The following CD53 variants were observed in gnomAD, a reference collection of about 807,000 sequenced individuals.
CD53 encodes leukocyte surface antigen CD53.
CD53 carries 20 observed loss-of-function variants against 27.3 expected under a neutral mutation model. The observed-to-expected ratio is 0.73, with a 90% CI of 0.52 to 1.07. The LOEUF (loss-of-function observed/expected upper bound fraction) is 1.07. Among genes scored for constraint, CD53 ranks in the 50% least tolerant of loss-of-function variants. CD53 has a pLI of 0.00. For missense variants in CD53, 216 were observed against 264.0 expected (o/e 0.82, Z 1.26); for synonymous variants, 106 against 105.3 (o/e 1.01, Z -0.04).
chr1:110,886,637 TCAGG>T, intron 1 of CD53, among the ~76,000 whole-genome samples: 1 of 151,920 alleles, frequency 6.6e-6, no homozygotes, highest in East Asian at 1.9e-4. Flanking sequence ...TCACTTGAGG[TCAGG>T]CATGCGAGAC....
intron 1 of CD53, among the ~76,000 whole-genome samples, chr1:110,879,534 T>C (rs1195634859): frequency 2.0e-5 from 3 of 152,204 alleles, no homozygotes; most frequent in African/African-American, 7.2e-5. Flanking sequence ...CAGTGCACAT[T>C]AGCATATAAC....
At chr1:110,898,025 C>A in intron 7 of CD53, 133 bp downstream of exon 7, 1 of 503,996 alleles carries the variant, frequency 2.0e-6, no homozygotes, top group Non-Finnish European at 3.5e-6. Flanking sequence ...ATTCCCCCAG[C>A]CAAGTAGCAA....
chr1:110,898,379 G>GA (rs11390194), intron 7 of CD53, among the ~76,000 whole-genome samples: 26,538 of 115,544 alleles, frequency 0.23, 3,316 homozygotes, highest in Middle Eastern at 0.27. Flanking sequence ...TCTGTCTCCA[G>GA]AAAAAAAAAA....
At chr1:110,871,814 TACACACAC>T (rs3068856), upstream of CD53, among the ~76,000 whole-genome samples, 46 of 145,768 alleles carry the variant, frequency 3.2e-4, no homozygotes, top group East Asian at 2.2e-3. Flanking sequence ...CAAGAGAAAC[TACACACAC>T]ACACACACAC....
intron 5 of CD53, among the ~76,000 whole-genome samples, chr1:110,895,369 G>A (rs910560310): frequency 2.0e-5 from 3 of 152,200 alleles, no homozygotes; most frequent in African/African-American, 7.2e-5. Flanking sequence ...ACTGAAAACA[G>A]CATTGTATAA....
chr1:110,893,781 T>G (rs1484663557), intron 3 of CD53, among the ~76,000 whole-genome samples: 2 of 152,130 alleles, frequency 1.3e-5, no homozygotes, highest in Non-Finnish European at 2.9e-5. Flanking sequence ...GTAAAAAAGG[T>G]GAAGGAGAAG....
rs755954060 is a variant in CD53, at chr1:110,899,168, C to T, written c.633C>T (p.Asp211=). 1 of 1,613,748 alleles carries T rather than the reference C, an allele frequency of 6.2e-7. No homozygotes were observed. Among genetic ancestry groups the T allele is most frequent in the Non-Finnish European group, 8.5e-7 (1 of 1,179,678 alleles). The part of the protein sequence containing the change: ...SFALTLNCQI[D]KTSQTIGL Reference sequence around the variant, plus strand: ...CACTGACCCTGAACTGCCAGATTGACAAAACCAGCCAGACCATAGGGCTAT... The same window carrying T: ...CACTGACCCTGAACTGCCAGATTGATAAAACCAGCCAGACCATAGGGCTAT... Residue 211 remains aspartate (D), a synonymous_variant, in exon 8 of 8, where the codon GAC becomes GAT. Coordinates refer to ENST00000271324, the MANE Select transcript of CD53 (RefSeq NM_000560.4).
chr1:110,894,476 G>A (rs2101063886), intron 4 of CD53, 75 bp downstream of exon 4: 1 of 1,109,532 alleles, frequency 9.0e-7, no homozygotes, highest in African/African-American at 1.5e-5. Flanking sequence ...TTGGTACAAA[G>A]TTACAGAATA....
intron 1 of CD53, among the ~76,000 whole-genome samples, chr1:110,883,658 A>G (rs1656446927): frequency 6.6e-6 from 1 of 152,000 alleles, no homozygotes; most frequent in Non-Finnish European, 1.5e-5. Context: ...GAAATCATCA[A>G]TAAGACATCT....
chr1:110,875,904 G>A (rs956037393), intron 1 of CD53, among the ~76,000 whole-genome samples: 24 of 152,198 alleles, frequency 1.6e-4, no homozygotes, highest in Non-Finnish European at 7.4e-5. Flanking sequence ...TCTCTATACT[G>A]AGAGTTAGAG....
intron 1 of CD53, among the ~76,000 whole-genome samples, chr1:110,874,841 T>C (rs1656064309): frequency 6.6e-6 from 1 of 152,206 alleles, no homozygotes; most frequent in Admixed American, 6.5e-5. Context: ...TGCCCTCTGA[T>C]TGACCTCTGA....
chr1:110,891,458 A>C lies in CD53; in HGVS notation c.50A>C (p.Asn17Thr). Residue 17 changes from asparagine (N) to threonine (T), a missense_variant, in exon 2 of 8, where the codon AAC (asparagine) becomes ACC (threonine). Asn to Thr is a moderately conservative substitution (Grantham distance 65). Transcript: ENST00000271324. ...KLLKYVLFFFNLLFWICGCCI... is the reference protein window; with the variant it reads ...KLLKYVLFFFTLLFWICGCCI... Reference sequence around the variant, plus strand: ...CTGAAGTATGTCCTGTTTTTCTTCAACTTGCTCTTTTGGGTAAGTGTATCT... The same window carrying C: ...CTGAAGTATGTCCTGTTTTTCTTCACCTTGCTCTTTTGGGTAAGTGTATCT... The C allele has an allele frequency of 6.2e-7, 1 of 1,613,606 alleles. No homozygotes were observed. The highest frequency in any genetic ancestry group is 8.5e-7 in the Non-Finnish European group (1 of 1,179,518).
At chr1:110,871,698 T>C (rs1437627501), upstream of CD53, among the ~76,000 whole-genome samples, 3 of 152,136 alleles carry the variant, frequency 2.0e-5, no homozygotes, top group East Asian at 5.8e-4. Context: ...TTCAGGGACC[T>C]GTAAGCATGG....
chr1:110,893,266 A>G (rs1461597383), intron 3 of CD53, among the ~76,000 whole-genome samples: 1 of 152,132 alleles, frequency 6.6e-6, no homozygotes, highest in Non-Finnish European at 1.5e-5. Context: ...CATTTGGTTA[A>G]TCTTTTTTCC....
intron 6 of CD53, among the ~76,000 whole-genome samples, chr1:110,897,326 G>T (rs1454761327): frequency 1.3e-5 from 2 of 152,224 alleles, no homozygotes; most frequent in Non-Finnish European, 2.9e-5. Flanking sequence ...TCCTGAAGGG[G>T]TTTGGAAATC....
At chr1:110,895,107 C>A in intron 5 of CD53, 52 bp downstream of exon 5, 1 of 1,353,510 alleles carries the variant, frequency 7.4e-7, no homozygotes, top group Non-Finnish European at 1.1e-6. Flanking sequence ...ATTTTCAAGC[C>A]TAAATCCTTG....
chr1:110,879,045 T>A (rs1046289344), intron 1 of CD53, among the ~76,000 whole-genome samples: 1 of 152,208 alleles, frequency 6.6e-6, no homozygotes, highest in African/African-American at 2.4e-5. Flanking sequence ...TTATTTTTTT[T>A]ACAAATGGCA....
chr1:110,871,814 T>TACACACACACACACACACAC (rs3068856), upstream of CD53, among the ~76,000 whole-genome samples: 7 of 145,670 alleles, frequency 4.8e-5, no homozygotes, highest in African/African-American at 1.5e-4. Flanking sequence ...CAAGAGAAAC[T>TACACACACACACACACACAC]ACACACACAC....
intron 7 of CD53, among the ~76,000 whole-genome samples, chr1:110,898,434 A>G (rs1200336552): frequency 6.6e-6 from 1 of 151,370 alleles, no homozygotes; most frequent in African/African-American, 2.4e-5. Flanking sequence ...CAGAGATATG[A>G]GTGATTCACA....
Sources: gnomAD v4.1 joint callset for allele counts (sites outside exome capture counted in the v4.1 genomes callset) on GRCh38, gnomAD v4.1.1 for gene constraint, MANE v1.5 for transcripts, NCBI Gene and HGNC (gene_info 2026-07-23, HGNC 2026-07-21) for gene names.